RGS7: variants seen among roughly 807,000 people sequenced by gnomAD.
The protein encoded by RGS7 is regulator of G protein signaling 7.
RGS7 carries 27 observed loss-of-function variants against 81.1 expected under a neutral mutation model. That is an observed-to-expected ratio of 0.33 (90% confidence interval 0.25 to 0.46). RGS7 has a LOEUF of 0.46. Ranked by LOEUF, RGS7 falls within the 20% of genes least tolerant of loss-of-function variation. The pLI is 1.00. For synonymous variants in RGS7, 208 were observed against 207.7 expected (o/e 1.00, Z -0.01); for missense variants, 396 against 607.4 (o/e 0.65, Z 3.66).
intron 14 of RGS7, among the ~76,000 whole-genome samples, chr1:240,807,981 G>A (rs1689167883): frequency 6.8e-6 from 1 of 146,742 alleles, no homozygotes; most frequent in Admixed American, 6.9e-5. Flanking sequence ...GTTGCAGTGA[G>A]CAGAGATCAT....
chr1:241,130,568 G>C (rs1299965903), intron 2 of RGS7, among the ~76,000 whole-genome samples: 1 of 152,010 alleles, frequency 6.6e-6, no homozygotes, highest in Non-Finnish European at 1.5e-5. Flanking sequence ...GGGACAGTAA[G>C]AAAAATGCTA....
chr1:241,245,777 A>C (rs1409034317), intron 2 of RGS7, among the ~76,000 whole-genome samples: 3 of 151,680 alleles, frequency 2.0e-5, no homozygotes, highest in East Asian at 1.9e-4. Flanking sequence ...ACTGCACTCC[A>C]GCCTGGGCAA....
intron 3 of RGS7, among the ~76,000 whole-genome samples, chr1:241,064,725 A>T (rs1027643491): frequency 1.4e-5 from 2 of 141,336 alleles, no homozygotes; most frequent in African/African-American, 2.9e-5. Flanking sequence ...GACCTCATTT[A>T]AAAAAAAAAG....
In RGS7 at chr1:240,816,314, C is replaced by G. The variant is rs1248983823; in HGVS notation, c.783+3G>C. The G allele has an allele frequency of 6.3e-7, 1 of 1,591,832 alleles. No individual in the cohort carries two copies. Among genetic ancestry groups the G allele is most frequent in the Non-Finnish European group, 8.6e-7 (1 of 1,159,810 alleles). ...TAACAGGTCATCTCATAGGTTGACT[C>G]ACCTGTTGTTGTAACTCATCTTCTG... On this transcript the variant is annotated splice_donor_region_variant and intron_variant, in intron 11 of 18. Transcript: ENST00000440928.
At chr1:240,958,519 A>T (rs1680812074) in intron 4 of RGS7, among the ~76,000 whole-genome samples, 1 of 152,160 alleles carries the variant, frequency 6.6e-6, no homozygotes, top group Non-Finnish European at 1.5e-5. Flanking sequence ...CTTTGATTAC[A>T]GTTTCTGCTT....
At chr1:241,184,439 G>T (rs551758898) in intron 2 of RGS7, among the ~76,000 whole-genome samples, 1 of 152,316 alleles carries the variant, frequency 6.6e-6, no homozygotes, top group South Asian at 2.1e-4. Flanking sequence ...GCATCTCATA[G>T]GTAATGATAT....
chr1:240,895,948 T>A (rs1417026471), intron 6 of RGS7, among the ~76,000 whole-genome samples: 4 of 152,216 alleles, frequency 2.6e-5, no homozygotes, highest in African/African-American at 9.6e-5. Flanking sequence ...CTCCAGCAAC[T>A]GTTGTTTCCT....
At chr1:241,207,065 T>A (rs1322725795) in intron 2 of RGS7, among the ~76,000 whole-genome samples, 1 of 141,726 alleles carries the variant, frequency 7.1e-6, no homozygotes, top group African/African-American at 2.6e-5. Context: ...GCCTCCCGGG[T>A]TCACGCCATT....
rs1437769196 is a variant in RGS7 at position 241,262,425 on chromosome 1, G to GA, written c.78+93273dup. On this transcript the variant is annotated intron_variant, in intron 2 of 18. Transcript: ENST00000440928. Reference sequence around the variant, plus strand: ...TATCCAAGGCAGCAACAGCTTTCAAGAAAAAAGATGCCAGAAGTTCATGGG... The same window carrying GA: ...TATCCAAGGCAGCAACAGCTTTCAAGAAAAAAAGATGCCAGAAGTTCATGGG... Among the ~76,000 whole-genome samples the GA allele has an allele frequency of 2.6e-5, 4 of 152,268 alleles. No homozygotes were observed. The East Asian group carries it at 5.8e-4, about 22-fold the overall frequency.
chr1:241,134,853 G>T (rs985078638), intron 2 of RGS7, among the ~76,000 whole-genome samples: 1 of 152,050 alleles, frequency 6.6e-6, no homozygotes, highest in Admixed American at 6.5e-5. Context: ...GTCCCAAGGC[G>T]CAAGGCCACT....
At chr1:240,857,504 T>C (rs1661357067) in intron 9 of RGS7, among the ~76,000 whole-genome samples, 1 of 152,094 alleles carries the variant, frequency 6.6e-6, no homozygotes, top group African/African-American at 2.4e-5. Context: ...TTACAAAATA[T>C]TTTCACTGTC....
chr1:241,223,535 T>C (rs559968841), intron 2 of RGS7, among the ~76,000 whole-genome samples: 5 of 151,682 alleles, frequency 3.3e-5, no homozygotes, highest in African/African-American at 9.7e-5. Context: ...CACGAATAAG[T>C]GGAAGAGAAA....
intron 4 of RGS7, among the ~76,000 whole-genome samples, chr1:240,964,144 T>G (rs913591672): frequency 3.9e-5 from 6 of 152,234 alleles, no homozygotes; most frequent in Non-Finnish European, 7.3e-5. Flanking sequence ...CAAAGTGTAT[T>G]TGTAAAGCAG....
At chr1:240,805,162 C>T (rs953932500) in intron 15 of RGS7, among the ~76,000 whole-genome samples, 9 of 151,810 alleles carry the variant, frequency 5.9e-5, no homozygotes, top group African/African-American at 2.2e-4. Context: ...ATTGCTTGAG[C>T]CCAGGAGTTG....
chr1:241,160,116 AAAAAAAAAAAAAAAG>A (rs547180393), intron 2 of RGS7, among the ~76,000 whole-genome samples: 1,896 of 150,048 alleles, frequency 0.013, 29 homozygotes, highest in African/African-American at 0.044. Context: ...ATCTCAAAAA[AAAAAAAAAAAAAAAG>A]AAAAAGAAAA....
intron 2 of RGS7, among the ~76,000 whole-genome samples, chr1:241,157,644 T>C (rs1173624912): frequency 6.6e-6 from 1 of 152,188 alleles, no homozygotes; most frequent in Non-Finnish European, 1.5e-5. Flanking sequence ...ACACTGACCA[T>C]GGCTCAAATC....
At chr1:241,303,061 A>C (rs1432963038) in intron 2 of RGS7, among the ~76,000 whole-genome samples, 1 of 152,154 alleles carries the variant, frequency 6.6e-6, no homozygotes, top group African/African-American at 2.4e-5. Flanking sequence ...AAAATCCACA[A>C]ATACTAACAG....
At chr1:240,879,753 A>C (rs1469284463) in intron 6 of RGS7, among the ~76,000 whole-genome samples, 1 of 152,246 alleles carries the variant, frequency 6.6e-6, no homozygotes, top group African/African-American at 2.4e-5. Context: ...TAAATGATGG[A>C]GAAATTAGCA....
intron 3 of RGS7, among the ~76,000 whole-genome samples, chr1:241,095,759 T>A (rs536163521): frequency 1.3e-5 from 2 of 152,306 alleles, no homozygotes; most frequent in Non-Finnish European, 2.9e-5. Flanking sequence ...TCTTAAATAT[T>A]TATCATTTCT....
Sources: gnomAD v4.1 joint callset for allele counts (sites outside exome capture counted in the v4.1 genomes callset) on GRCh38, gnomAD v4.1.1 for gene constraint, MANE v1.5 for transcripts, NCBI Gene and HGNC (gene_info 2026-07-23, HGNC 2026-07-21) for gene names.